The following CCDC174 variants were observed in gnomAD, a reference collection of about 807,000 sequenced individuals.
CCDC174 encodes the protein coiled-coil domain containing 174.
In CCDC174, 37 loss-of-function variants were observed where a neutral mutation model predicts 57.1. That is an observed-to-expected ratio of 0.65 (90% CI 0.50 to 0.85). The LOEUF (loss-of-function observed/expected upper bound fraction) is 0.85. Ranked by LOEUF, CCDC174 falls within the 40% of genes least tolerant of loss-of-function variation. The pLI is 0.00. For synonymous variants in CCDC174, 182 were observed against 190.2 expected (o/e 0.96, Z 0.35); for missense variants, 540 against 574.3 (o/e 0.94, Z 0.61).
chr3:14,652,454 C>G (rs1285223445), intron 1 of CCDC174, among the ~76,000 whole-genome samples: 2 of 152,230 alleles, frequency 1.3e-5, no homozygotes, highest in Non-Finnish European at 2.9e-5. Flanking sequence ...AAAACTTGTT[C>G]TAAGTACACA....
chr3:14,652,117 G>A (rs774616635), intron 1 of CCDC174, among the ~76,000 whole-genome samples: 2 of 152,164 alleles, frequency 1.3e-5, no homozygotes, highest in African/African-American at 2.4e-5. Context: ...CTCGGACACG[G>A]ATCTGAACCT....
intron 9 of CCDC174, 71 bp downstream of exon 9, chr3:14,668,252 C>T (rs898983911): frequency 8.5e-6 from 12 of 1,413,660 alleles, no homozygotes; most frequent in East Asian, 2.4e-5. Context: ...GCTAATAGGG[C>T]TGGCAATGTG....
Position 14,668,177 on chromosome 3 carries a change from TAG to T in CCDC174, c.951_952del (p.Asp318TrpfsTer24). The T allele has an allele frequency of 6.2e-7, 1 of 1,606,316 alleles. No individual in the cohort carries two copies. The highest frequency in any genetic ancestry group is 8.5e-7 in the Non-Finnish European group (1 of 1,177,912). On this transcript the variant is annotated frameshift_variant and splice_region_variant, in exon 9 of 11. Transcript: ENST00000383794. LOFTEE classifies it high-confidence loss of function. ...AAGAAGGTGGAACAGAAGAAGAAAA[TAG>T]AGGTATATCATGGCTATGTTGCTGA... Reference protein sequence around the residue: ...SKEGGTEEENRDGDVIGPLPP... With the variant: ...SKEGGTEEENXDGDVIGPLPP...
rs756523348 is a variant in CCDC174 at position 14,671,010 on chromosome 3, G to T, written c.1220G>T (p.Ser407Ile). 2 of 1,614,168 alleles carry T rather than the reference G, an allele frequency of 1.2e-6. No individual in the cohort carries two copies. Among genetic ancestry groups the T allele is most frequent in the South Asian group, 2.2e-5 (2 of 91,080 alleles). ...GGTCAGAAGAGAACTGGTTTTTCCA[G>T]CAGCCAGGCATGGAGCAGACCTGGG... The part of the protein sequence containing the change: ...FVGQKRTGFS[S>I]SQAWSRPGPA... Residue 407 changes from serine (S) to isoleucine (I), a missense_variant, in exon 11 of 11, where the codon AGC (serine) becomes ATC (isoleucine). Ser to Ile is a moderately radical substitution (Grantham distance 142). Transcript: ENST00000383794.
chr3:14,658,154 A>G (rs1274818846), intron 3 of CCDC174, among the ~76,000 whole-genome samples: 1 of 151,918 alleles, frequency 6.6e-6, no homozygotes, highest in Non-Finnish European at 1.5e-5. Flanking sequence ...TCCTTTCTTT[A>G]TTGTCCTTCT....
At chr3:14,658,722 C>T (rs1211764728) in intron 3 of CCDC174, 149 bp from the exon 4 acceptor site, 3 of 817,348 alleles carry the variant, frequency 3.7e-6, no homozygotes, top group Non-Finnish European at 3.7e-6. Context: ...CTGAGGGTCT[C>T]CTCAGGATGG....
chr3:14,661,426 T>C, intron 4 of CCDC174, 104 bp from the exon 5 acceptor site: 1 of 879,256 alleles, frequency 1.1e-6, no homozygotes, highest in South Asian at 1.7e-5. Context: ...GCTGATGAGC[T>C]GTCAGGGGTG....
Position 14,666,903 on chromosome 3 carries a change from A to G in CCDC174, c.680A>G (p.Lys227Arg), listed in dbSNP as rs1211156547. The G allele has an allele frequency of 1.2e-6, 2 of 1,606,438 alleles. No homozygotes were observed. Among genetic ancestry groups the G allele is most frequent in the Non-Finnish European group, 1.7e-6 (2 of 1,177,912 alleles). ...QWEEEEREAL[K>R]RPMGPVHYED... ...GAGGAAGAAGAAAGAGAGGCCCTGA[A>G]GAGGCCCATGGGGCCCGTACATTAT... The change falls in exon 7 of 11, where the codon AAG becomes AGG. Residue 227 changes from lysine to arginine, a missense_variant. Transcript: ENST00000383794.
At chr3:14,667,366 G>A in intron 7 of CCDC174, 58 bp from the exon 8 acceptor site, 1 of 1,277,792 alleles carries the variant, frequency 7.8e-7, no homozygotes, top group Non-Finnish European at 1.1e-6. Flanking sequence ...AATGTGGCTT[G>A]AGTGTAGTTG....
rs570157695 is a variant in CCDC174 at position 14,655,002 on chromosome 3, T to G, written c.147+472T>G. ...TAATCATTCAGGAGATAAAAGATAG[T>G]AGGAAGTGATTCTGCACTCAGGAAG... On this transcript the variant is annotated intron_variant, in intron 2 of 10. Coordinates refer to ENST00000383794, the MANE Select transcript of CCDC174 (RefSeq NM_016474.5). Among the ~76,000 whole-genome samples the G allele has an allele frequency of 3.9e-5, 6 of 152,330 alleles. No individual in the cohort carries two copies. In the East Asian group the frequency reaches 9.7e-4, roughly 25 times the overall value.
chr3:14,670,699 C>G (rs931359762), intron 10 of CCDC174, among the ~76,000 whole-genome samples, 197 bp from the exon 11 acceptor site: 2 of 152,174 alleles, frequency 1.3e-5, no homozygotes, highest in Non-Finnish European at 2.9e-5. Context: ...TAGTCACTCC[C>G]TTTTCTTAGC....
rs565960157 is a variant in CCDC174 at position 14,666,751 on chromosome 3, C to T, written c.582-54C>T. The T allele has an allele frequency of 3.5e-6, 5 of 1,424,268 alleles. No homozygotes were observed. In the African/African-American group the frequency reaches 4.4e-5, roughly 12 times the overall value. The allele number at this position is 1,424,268 out of a possible 1,614,324, so 88.2% of individuals were successfully genotyped here. ...CATGATGCAACTGACTGTACTTAAA[C>T]ACTGATATCTCAATCCTTATCTGAA... On this transcript the variant is annotated intron_variant, in intron 6 of 10. Transcript: ENST00000383794.
intron 10 of CCDC174, among the ~76,000 whole-genome samples, chr3:14,670,403 C>T (rs2124850915): frequency 6.6e-6 from 1 of 152,214 alleles, no homozygotes; most frequent in African/African-American, 2.4e-5. Flanking sequence ...TCCACAGCAG[C>T]CTCTCTGGAA....
chr3:14,668,650 G>A (rs556012214), intron 9 of CCDC174, among the ~76,000 whole-genome samples: 1 of 151,176 alleles, frequency 6.6e-6, no homozygotes, highest in East Asian at 2.0e-4. Context: ...TGTGGAACTT[G>A]GAGCACGGTT....
intron 5 of CCDC174, among the ~76,000 whole-genome samples, chr3:14,662,430 T>C (rs56407373): frequency 0.058 from 8,807 of 150,902 alleles, 640 homozygotes; most frequent in African/African-American, 0.18. Flanking sequence ...ATTATTGTCA[T>C]TTTCCTGAAT....
Position 14,670,812 on chromosome 3 carries a change from A to C in CCDC174, c.1106-84A>C, listed in dbSNP as rs1399139828. ...TAATTTGTGGTGGCTTTTAAGAAAT[A>C]TATGATACAATTAGATAATAGTAAC... On this transcript the variant is annotated intron_variant, in intron 10 of 10. Coordinates refer to ENST00000383794, the MANE Select transcript of CCDC174 (RefSeq NM_016474.5). The C allele has an allele frequency of 4.5e-5, 53 of 1,184,142 alleles. No homozygotes were observed. The East Asian group carries it at 1.4e-3, about 30-fold the overall frequency. The allele number at this position is 1,184,142 out of a possible 1,614,324, so 73.4% of individuals were successfully genotyped here.
chr3:14,668,164 CAGA>C lies in CCDC174; in HGVS notation c.943_945del (p.Glu315del), dbSNP rs576151481. The C allele has an allele frequency of 4.2e-5, 67 of 1,610,334 alleles. 1 individual carries two copies. In the South Asian group the frequency reaches 7.3e-4, roughly 18 times the overall value. ...ATGAAAAAATCAAAAGAAGGTGGAA[CAGA>C]AGAAGAAAATAGAGGTATATCATGG... On this transcript the variant is annotated inframe_deletion, in exon 9 of 11. Transcript: ENST00000383794.
chr3:14,652,530 CTA>C (rs2030806882), intron 1 of CCDC174, among the ~76,000 whole-genome samples: 1 of 152,174 alleles, frequency 6.6e-6, no homozygotes, highest in Non-Finnish European at 1.5e-5. Context: ...GAGGTAGGTG[CTA>C]TTAATATCTC....
Position 14,655,628 on chromosome 3 carries a change from A to G in CCDC174, c.247A>G (p.Arg83Gly). ...AGAACAGAAGACTTTAGACAAAGCA[A>G]GGTAAAGTTATAAGCTCTGGTAAAT... ...IEEQKTLDKA[R>G]EKLEEKAKLY... The change falls in exon 3 of 11, where the codon AGG becomes GGG. Residue 83 changes from arginine (R) to glycine (G), a missense_variant and splice_region_variant. Arg to Gly is a moderately radical substitution (Grantham distance 125, BLOSUM62 -2). Coordinates refer to ENST00000383794, the MANE Select transcript of CCDC174 (RefSeq NM_016474.5). 6.3e-7 allele frequency: 1 copy of G among 1,594,344 alleles called. No homozygotes were observed. The highest frequency in any genetic ancestry group is 1.3e-5 in the African/African-American group (1 of 74,240).
Sources: allele counts gnomAD v4.1 joint callset (sites outside exome capture counted in the v4.1 genomes callset), GRCh38; gene constraint gnomAD v4.1.1; transcripts MANE v1.5; gene names NCBI Gene and HGNC (gene_info 2026-07-23, HGNC 2026-07-21).